RBFOX1: variants seen among roughly 807,000 people sequenced by gnomAD.
RBFOX1 encodes RNA binding fox-1 homolog 1.
A neutral mutation model predicts 57.7 loss-of-function variants in RBFOX1; 8 were observed. The ratio of observed to expected loss-of-function variants is 0.14; its 90% CI spans 0.08 to 0.25. RBFOX1 has a LOEUF of 0.25. Ranked by LOEUF, RBFOX1 falls within the 10% of genes least tolerant of loss-of-function variation. The probability of loss-of-function intolerance (pLI) is 1.00; values close to 1 mark genes in which losing one functional copy is unlikely to be tolerated. For synonymous variants in RBFOX1, 326 were observed against 222.4 expected, an observed-to-expected ratio of 1.47 and a Z score of -4.15; for missense variants, 611 against 548.5, an observed-to-expected ratio of 1.11 and a Z score of -1.14.
intron 3 of RBFOX1, among the ~76,000 whole-genome samples, chr16:6,855,570 G>A (rs1249401091): frequency 6.6e-6 from 1 of 150,590 alleles, no homozygotes; most frequent in East Asian, 2.0e-4. Context: ...GGAGAATGGC[G>A]TGAACCCGAG....
At chr16:5,419,353 C>A (rs1374832648) in intron 1 of RBFOX1, among the ~76,000 whole-genome samples, 1 of 152,068 alleles carries the variant, frequency 6.6e-6, no homozygotes, top group Non-Finnish European at 1.5e-5. Context: ...CAGGAAGCAT[C>A]CAGCACGAGA....
At chr16:7,048,230 A>G (rs62016268) in intron 3 of RBFOX1, among the ~76,000 whole-genome samples, 1 of 150,144 alleles carries the variant, frequency 6.7e-6, no homozygotes, top group Non-Finnish European at 1.5e-5. Flanking sequence ...TTATGGTTGT[A>G]AAATTTCCTT....
intron 2 of RBFOX1, among the ~76,000 whole-genome samples, chr16:5,496,820 C>T (rs1231643458): frequency 6.6e-6 from 1 of 152,204 alleles, no homozygotes; most frequent in Non-Finnish European, 1.5e-5. Context: ...TTAAAAAGTG[C>T]ATAAACCACA....
chr16:7,368,761 C>G (rs567001287), intron 4 of RBFOX1, among the ~76,000 whole-genome samples: 2 of 133,880 alleles, frequency 1.5e-5, no homozygotes, highest in South Asian at 2.7e-4. Context: ...GCCTGGGTGA[C>G]AGAGCGAGAC....
At chr16:6,696,240 A>G (rs1158562763) in intron 3 of RBFOX1, among the ~76,000 whole-genome samples, 3 of 152,226 alleles carry the variant, frequency 2.0e-5, no homozygotes, top group Non-Finnish European at 2.9e-5. Context: ...ATCTGTTTGT[A>G]CCACTATTAC....
At chr16:7,567,831 C>T (rs953798392) in intron 5 of RBFOX1, among the ~76,000 whole-genome samples, 3 of 147,520 alleles carry the variant, frequency 2.0e-5, no homozygotes, top group Non-Finnish European at 4.5e-5. Flanking sequence ...CTATATATAT[C>T]CCCATATATA....
chr16:7,412,966 C>T (rs2098443995), intron 4 of RBFOX1, among the ~76,000 whole-genome samples: 1 of 152,080 alleles, frequency 6.6e-6, no homozygotes, highest in Non-Finnish European at 1.5e-5. Context: ...GGCGTGAACC[C>T]GGGAGGCGGA....
At position 5,856,185 on chromosome 16, in the gene RBFOX1, C is replaced by CTA. The variant is rs1222713846; in HGVS notation, c.319-11117_319-11116insAT. Among the ~76,000 whole-genome samples the CTA allele has an allele frequency of 7.9e-3, 314 of 39,848 alleles. 1 individual carries two copies. Among genetic ancestry groups the CTA allele is most frequent in the African/African-American group, 1.0e-2 (85 of 8,530 alleles). The allele number at this position is 39,848 out of a possible 152,430, so 26.1% of individuals were successfully genotyped here. ...TCTCTCTCTCTCTCTCTCTCTCTCT[C>CTA]TCTATATATATATATATATATACAT... On this transcript the variant is annotated intron_variant, in intron 3 of 19. Transcript: ENST00000641259.
intron 2 of RBFOX1, among the ~76,000 whole-genome samples, chr16:6,474,610 A>G (rs1042531950): frequency 2.0e-5 from 3 of 152,070 alleles, no homozygotes; most frequent in Non-Finnish European, 4.4e-5. Flanking sequence ...TTAGCATGGG[A>G]TGGTGTGGTG....
intron 3 of RBFOX1, among the ~76,000 whole-genome samples, chr16:6,737,862 G>A (rs2070838566): frequency 6.6e-6 from 1 of 152,072 alleles, no homozygotes; most frequent in African/African-American, 2.4e-5. Context: ...TAAACAAAAT[G>A]TACTATAATA....
intron 2 of RBFOX1, among the ~76,000 whole-genome samples, chr16:5,475,829 T>C (rs539203633): frequency 1.3e-5 from 2 of 152,254 alleles, no homozygotes; most frequent in South Asian, 4.2e-4. Context: ...AGATGAGGCC[T>C]TGCTATGTTA....
intron 2 of RBFOX1, among the ~76,000 whole-genome samples, chr16:6,433,276 C>T (rs1013044151): frequency 1.3e-5 from 2 of 152,188 alleles, no homozygotes; most frequent in Non-Finnish European, 2.9e-5. Context: ...AAATGAGAAG[C>T]AGAGAAGGTT....
chr16:5,868,513 C>G (rs1032773319), intron 4 of RBFOX1, among the ~76,000 whole-genome samples: 2 of 152,180 alleles, frequency 1.3e-5, no homozygotes, highest in Admixed American at 1.3e-4. Context: ...GAGGCAGATT[C>G]TCGCAGGATT....
At chr16:7,197,926 T>G (rs2087166260) in intron 4 of RBFOX1, among the ~76,000 whole-genome samples, 1 of 151,070 alleles carries the variant, frequency 6.6e-6, no homozygotes, top group Non-Finnish European at 1.5e-5. Flanking sequence ...GGAGTGTAAC[T>G]GAAAAATGAT....
intron 4 of RBFOX1, among the ~76,000 whole-genome samples, chr16:6,008,294 C>T (rs1187169248): frequency 6.8e-6 from 1 of 146,676 alleles, no homozygotes; most frequent in Non-Finnish European, 1.5e-5. Flanking sequence ...GGAAGGTGGC[C>T]AGGAGTGTGG....
At chr16:5,850,940 C>T (rs931980578) in intron 3 of RBFOX1, among the ~76,000 whole-genome samples, 5 of 152,186 alleles carry the variant, frequency 3.3e-5, no homozygotes, top group Admixed American at 2.0e-4. Context: ...GAGATGGCAT[C>T]GGGCATATCC....
Position 5,815,985 on chromosome 16 carries a change from A to G in RBFOX1, c.319-51318A>G, listed in dbSNP as rs943089006. Among the ~76,000 whole-genome samples the G allele has an allele frequency of 4.6e-5, 7 of 152,220 alleles. No individual in the cohort carries two copies. The South Asian group carries it at 6.2e-4, about 14-fold the overall frequency. On this transcript the variant is annotated intron_variant, in intron 3 of 19. Transcript: ENST00000641259. ...GGCTTGGTTGGATCTTACAGCCCCC[A>G]GGTATACAACCCTTGGGATTTCTGG...
At chr16:5,729,317 C>A (rs1175147390) in intron 3 of RBFOX1, among the ~76,000 whole-genome samples, 1 of 150,980 alleles carries the variant, frequency 6.6e-6, no homozygotes, top group Non-Finnish European at 1.5e-5. Flanking sequence ...AGAAGTTTCT[C>A]TTGAAGGCTG....
chr16:5,442,681 A>G (rs547114799), intron 1 of RBFOX1, among the ~76,000 whole-genome samples: 36 of 152,230 alleles, frequency 2.4e-4, no homozygotes, highest in African/African-American at 7.7e-4. Flanking sequence ...CCCTTTACTG[A>G]GCCCTGCTAT....
Sources: gnomAD v4.1 joint callset for allele counts (sites outside exome capture counted in the v4.1 genomes callset) on GRCh38, gnomAD v4.1.1 for gene constraint, MANE v1.5 for transcripts, NCBI Gene and HGNC (gene_info 2026-07-23, HGNC 2026-07-21) for gene names.